AKR1B10: variants seen among roughly 807,000 people sequenced by gnomAD.
AKR1B10 encodes the protein aldo-keto reductase family 1 member B10.
In AKR1B10, 39 loss-of-function variants were observed where a neutral mutation model predicts 38.9. The ratio of observed to expected loss-of-function variants is 1.00; its 90% CI spans 0.78 to 1.31. The LOEUF (loss-of-function observed/expected upper bound fraction) is 1.31, where lower values mean the gene tolerates loss of function less well. AKR1B10 is among the 50% of genes most tolerant of loss of function. The pLI is 0.00. For missense variants in AKR1B10, 361 were observed against 382.6 expected (o/e 0.94, Z 0.47); for synonymous variants, 148 against 141.2 (o/e 1.05, Z -0.34).
rs1325851266 is a variant in AKR1B10, at chr7:134,541,201, A to G, written c.*112A>G. The G allele has an allele frequency of 1.6e-5, 13 of 805,642 alleles. No homozygotes were observed. Among genetic ancestry groups the G allele is most frequent in the Non-Finnish European group, 2.6e-5 (13 of 497,540 alleles). 49.9% of individuals were successfully genotyped at this position (805,642 alleles called of 1,614,324 possible). A position where few individuals can be genotyped will look rare whatever the true frequency, so the allele number is the denominator to read the frequency against. The stretch of plus-strand genomic sequence containing the variant: ...GCTTATTTAAGATCACAGTGAACTT[A>G]GTCCTGTTATAGACGAGAATCGAGG... On this transcript the variant is annotated 3_prime_UTR_variant, in exon 10 of 10. Transcript: ENST00000359579.
In AKR1B10 at chr7:134,538,251, C is replaced by G. The variant is rs1204053030; in HGVS notation, c.799C>G (p.Pro267Ala). 3 of 1,613,974 alleles carry G rather than the reference C, an allele frequency of 1.9e-6. No homozygotes were observed. The African/African-American group carries it at 4.0e-5, about 22-fold the overall frequency. The change falls in exon 8 of 10, where the codon CCA becomes GCA. Residue 267 changes from proline to alanine, a missense_variant. Physicochemically the swap from Pro to Ala is conservative, Grantham distance 27. Around this residue, in one of 3 missense-constraint regions of AKR1B10, gnomAD observed 132 missense variants for 134.6 expected, o/e 0.98. Transcript: ENST00000359579. ...GATTGTCATCCCCAAGTCTGTGACA[C>G]CAGCACGCATTGTTGAGAACATTCA... ...NVIVIPKSVTPARIVENIQVF... is the reference protein window; with the variant it reads ...NVIVIPKSVTAARIVENIQVF...
At chr7:134,534,452 T>C (rs74651925) in intron 4 of AKR1B10, among the ~76,000 whole-genome samples, 10,195 of 152,266 alleles carry the variant, frequency 0.067, 602 homozygotes, top group African/African-American at 0.15. Flanking sequence ...GATTTTTTTA[T>C]CTTAACTCTT....
chr7:134,533,220 C>A (rs1807911293), intron 4 of AKR1B10, 139 bp downstream of exon 4: 3 of 688,736 alleles, frequency 4.4e-6, no homozygotes, highest in Non-Finnish European at 2.4e-6. Flanking sequence ...CTAATATCTT[C>A]CTCATCACCT....
intron 4 of AKR1B10, 52 bp downstream of exon 4, chr7:134,533,133 C>T: frequency 6.9e-7 from 1 of 1,453,484 alleles, no homozygotes; most frequent in Non-Finnish European, 9.4e-7. Context: ...TTCAGTTATC[C>T]ATGAGATTCG....
Position 134,538,238 on chromosome 7 carries a change from C to T in AKR1B10, c.786C>T (p.Pro262=). 6.2e-7 allele frequency: 1 copy of T among 1,614,082 alleles called. No individual in the cohort carries two copies. The change falls in exon 8 of 10, where the codon CCC becomes CCT. Residue 262 remains proline, a synonymous_variant. Transcript: ENST00000359579. ...TCCAGAGGAATGTGATTGTCATCCC[C>T]AAGTCTGTGACACCAGCACGCATTG... ...FHIQRNVIVI[P]KSVTPARIVE... is the part of the protein sequence containing the mutation.
In AKR1B10 at chr7:134,536,645, G is replaced by T. The variant is rs1161577667; in HGVS notation, c.430-5G>T. 6.2e-7 allele frequency: 1 copy of T among 1,613,650 alleles called. No homozygotes were observed. The highest frequency in any genetic ancestry group is 8.5e-7 in the Non-Finnish European group (1 of 1,179,766). ...CTGCCCATAAGGTATTCCTTTCTAT[G>T]ATAGGCCATGGAGGAGCTGGTGGAT... On this transcript the variant is annotated splice_polypyrimidine_tract_variant and splice_region_variant and intron_variant, in intron 4 of 9. Transcript: ENST00000359579.
chr7:134,536,709 C>T lies in AKR1B10; in HGVS notation c.489C>T (p.Ser163=). 6.2e-7 allele frequency: 1 copy of T among 1,613,902 alleles called. No individual in the cohort carries two copies. Among genetic ancestry groups the T allele is most frequent in the Non-Finnish European group, 8.5e-7 (1 of 1,179,824 alleles). ...LVKALGVSNF[S]HFQIEKLLNK... ...AAGCCCTTGGGGTCTCCAATTTCAG[C>T]CACTTCCAGATCGAGAAGCTCTTGA... The change falls in exon 5 of 10, where the codon AGC becomes AGT. Residue 163 remains serine (S), a synonymous_variant. Transcript: ENST00000359579.
chr7:134,535,081 G>T (rs1321014100), intron 4 of AKR1B10, among the ~76,000 whole-genome samples: 1 of 151,874 alleles, frequency 6.6e-6, no homozygotes, highest in Non-Finnish European at 1.5e-5. Flanking sequence ...CGGACTCCTG[G>T]GCTGAAGCAA....
chr7:134,528,749 GAGAA>G (rs991069132), intron 1 of AKR1B10, among the ~76,000 whole-genome samples: 3 of 151,842 alleles, frequency 2.0e-5, no homozygotes, highest in Admixed American at 6.6e-5. Context: ...AAGAGAGAGA[GAGAA>G]AGAAAGAGAG....
intron 1 of AKR1B10, among the ~76,000 whole-genome samples, chr7:134,528,917 AC>A (rs1171369779): frequency 1.3e-5 from 2 of 152,208 alleles, no homozygotes; most frequent in Admixed American, 6.5e-5. Context: ...CGTGAGCACC[AC>A]CCGGCTGTGT....
In AKR1B10 at chr7:134,530,629, C is replaced by A. The variant is rs778631320; in HGVS notation, c.67-14C>A. 4 of 1,613,714 alleles carry A rather than the reference C, an allele frequency of 2.5e-6. No individual in the cohort carries two copies. The South Asian group carries it at 3.3e-5, about 13-fold the overall frequency. ...AAAAACACATATGTGATGAGCTTTT[C>A]TTTTGCCTTTCAGTCTCCTCTTGGC... On this transcript the variant is annotated splice_polypyrimidine_tract_variant and intron_variant, in intron 1 of 9. Transcript: ENST00000359579.
At chr7:134,531,045 T>A (rs1807842802) in intron 2 of AKR1B10, among the ~76,000 whole-genome samples, 1 of 152,208 alleles carries the variant, frequency 6.6e-6, no homozygotes. Flanking sequence ...CTTGGTTCCA[T>A]GGAACCCTGC....
intron 1 of AKR1B10, among the ~76,000 whole-genome samples, chr7:134,529,097 T>C (rs933163769): frequency 1.3e-5 from 2 of 152,198 alleles, no homozygotes; most frequent in Non-Finnish European, 2.9e-5. Flanking sequence ...AAGCAGTCTT[T>C]GGAGTTCCTC....
intron 9 of AKR1B10, among the ~76,000 whole-genome samples, chr7:134,540,200 A>C (rs1280936321): frequency 2.0e-5 from 3 of 151,978 alleles, no homozygotes; most frequent in Admixed American, 1.3e-4. Flanking sequence ...CCTGGGTGAC[A>C]GCGCGAGACT....
chr7:134,540,372 A>C (rs1455159799), intron 9 of AKR1B10, among the ~76,000 whole-genome samples: 1 of 143,378 alleles, frequency 7.0e-6, no homozygotes, highest in African/African-American at 2.6e-5. Flanking sequence ...TACTTAGAGC[A>C]AAAAGGAAGG....
In AKR1B10 at chr7:134,530,811, G is replaced by A; in HGVS notation, c.234+1G>A. ...GGAGGACCTGTTCATCGTCAGCAAG[G>A]TGCAATGGTGCATTTGGTGGGAGGC... On this transcript the variant is annotated splice_donor_variant, in intron 2 of 9. Transcript: ENST00000359579. LOFTEE classifies it high-confidence loss of function. 1 of 1,607,110 alleles carries A rather than the reference G, an allele frequency of 6.2e-7. No individual in the cohort carries two copies. The highest frequency in any genetic ancestry group is 2.2e-5 in the East Asian group (1 of 44,808).
chr7:134,540,923 C>T, intron 9 of AKR1B10, 124 bp from the exon 10 acceptor site: 1 of 710,776 alleles, frequency 1.4e-6, no homozygotes, highest in East Asian at 2.8e-5. Flanking sequence ...TATGTTCTTG[C>T]AGGGAGGAGG....
Position 134,538,292 on chromosome 7 carries a change from G to A in AKR1B10, c.825+15G>A, listed in dbSNP as rs746252796. 6.2e-7 allele frequency: 1 copy of A among 1,609,746 alleles called. No individual in the cohort carries two copies. Among genetic ancestry groups the A allele is most frequent in the Non-Finnish European group, 8.5e-7 (1 of 1,176,348 alleles). On this transcript the variant is annotated intron_variant, in intron 8 of 9. Coordinates refer to ENST00000359579, the MANE Select transcript of AKR1B10 (RefSeq NM_020299.5). ...AGAACATTCAGGTAAGTTTCCGGCTGGTCGGCCCTGGTATTCCTCAGTGGA... is the reference window on the plus strand; with the variant it reads ...AGAACATTCAGGTAAGTTTCCGGCTAGTCGGCCCTGGTATTCCTCAGTGGA...
intron 6 of AKR1B10, 76 bp from the exon 7 acceptor site, chr7:134,537,504 G>A: frequency 2.0e-6 from 3 of 1,490,848 alleles, no homozygotes; most frequent in Non-Finnish European, 2.8e-6. Flanking sequence ...TCAGTCTTGA[G>A]ACCCTCATTG....
Sources: allele counts gnomAD v4.1 joint callset (sites outside exome capture counted in the v4.1 genomes callset), GRCh38; gene constraint gnomAD v4.1.1; regional missense constraint gnomAD v4.1.1; transcripts MANE v1.5; gene names NCBI Gene and HGNC (gene_info 2026-07-23, HGNC 2026-07-21).